The following CYB5R2 variants were observed in gnomAD, a reference collection of about 807,000 sequenced individuals.
The protein encoded by CYB5R2 is cytochrome b5 reductase 2, also known as NADH-cytochrome b5 reductase 2.
CYB5R2 carries 35 observed loss-of-function variants against 29.8 expected under a neutral mutation model. That is an observed-to-expected ratio of 1.17 (90% CI 0.90 to 1.56). CYB5R2 has a LOEUF of 1.56. CYB5R2 is among the 40% of genes most tolerant of loss of function. The probability of loss-of-function intolerance (pLI) is 0.00; values close to 1 mark genes in which losing one functional copy is unlikely to be tolerated. For synonymous variants in CYB5R2, 169 were observed against 130.6 expected (o/e 1.29, Z -2.01); for missense variants, 419 against 346.7 (o/e 1.21, Z -1.66).
chr11:7,673,189 G>T, intron 1 of CYB5R2: 1 of 391,008 alleles, frequency 2.6e-6, no homozygotes, highest in Non-Finnish European at 4.4e-6. Flanking sequence ...ACAGCCAAAG[G>T]TTCATACACT....
At chr11:7,668,381 A>C in intron 6 of CYB5R2, 97 bp downstream of exon 6, 1 of 970,596 alleles carries the variant, frequency 1.0e-6, no homozygotes, top group Non-Finnish European at 1.7e-6. Flanking sequence ...GCTGGAGGCG[A>C]AATCTCTCAT....
upstream of CYB5R2, chr11:7,673,983 A>G (rs1388512663): frequency 8.9e-7 from 1 of 1,124,686 alleles, no homozygotes; most frequent in East Asian, 8.4e-5. Context: ...CCCTGCCCCC[A>G]GGGCAGCGCT....
At chr11:7,666,100 A>T in intron 8 of CYB5R2, 2 of 632,624 alleles carry the variant, frequency 3.2e-6, no homozygotes, top group South Asian at 3.6e-5. Context: ...GGCCGTAAGC[A>T]GAAGGGTGAG....
At chr11:7,673,570 A>C, upstream of CYB5R2, 8 of 978,866 alleles carry the variant, frequency 8.2e-6, no homozygotes, top group Middle Eastern at 5.2e-4. Flanking sequence ...ACCTCTCCCC[A>C]CGCCTCCCGC....
At position 7,667,717 on chromosome 11, in the gene CYB5R2, C is replaced by T; in HGVS notation, c.558+11G>A. The T allele has an allele frequency of 2.5e-6, 4 of 1,609,436 alleles. No homozygotes were observed. Among genetic ancestry groups the T allele is most frequent in the Non-Finnish European group, 3.4e-6 (4 of 1,175,688 alleles). On this transcript the variant is annotated intron_variant, in intron 7 of 8. Coordinates refer to ENST00000299498, the MANE Select transcript of CYB5R2 (RefSeq NM_016229.5). ...TTCCATCCTACCACTGCAAGCTCAGCAGGAACTGACCTGGTTGGCAAAGAT... is the reference window on the plus strand; with the variant it reads ...TTCCATCCTACCACTGCAAGCTCAGTAGGAACTGACCTGGTTGGCAAAGAT...
rs748267944 is a variant in CYB5R2 at position 7,666,540 on chromosome 11, T to C, written c.569A>G (p.Asp190Gly). The change falls in exon 8 of 9, where the codon GAT (aspartate) becomes GGT (glycine). Residue 190 changes from aspartate (D) to glycine (G), a missense_variant. Physicochemically the swap from Asp to Gly is moderately conservative, Grantham distance 94. Transcript: ENST00000299498. The part of the protein sequence containing the change: ...SLIFANQTEE[D>G]ILVRKELEEI... ...TTCAAGCTCTTTTCTGACCAAGATA[T>C]CCTCCTCTGTCTAGAAAAGAAGCAA... The C allele has an allele frequency of 1.2e-6, 2 of 1,612,794 alleles. No homozygotes were observed. Among genetic ancestry groups the C allele is most frequent in the East Asian group, 4.5e-5 (2 of 44,862 alleles).
intron 3 of CYB5R2, chr11:7,670,667 G>A (rs1855673743): frequency 6.6e-6 from 1 of 152,186 alleles, no homozygotes; most frequent in Non-Finnish European, 1.5e-5. Context: ...AATAAACCAG[G>A]TGTGGCCAGA....
At chr11:7,673,751 GGGTT>G (rs1855908871), upstream of CYB5R2, 1 of 982,038 alleles carries the variant, frequency 1.0e-6, no homozygotes, top group South Asian at 4.7e-5. Context: ...CGTCGAACTG[GGGTT>G]GGCCGGGGGC....
chr11:7,668,676 C>A (rs777381677), intron 5 of CYB5R2, 115 bp from the exon 6 acceptor site: 2 of 875,638 alleles, frequency 2.3e-6, no homozygotes, highest in Non-Finnish European at 3.8e-6. Flanking sequence ...GGACTGTCTG[C>A]ACCATTTTAA....
At position 7,669,721 on chromosome 11, in the gene CYB5R2, G is replaced by C; in HGVS notation, c.162C>G (p.Val54=). 6.2e-7 allele frequency: 1 copy of C among 1,613,588 alleles called. No individual in the cohort carries two copies. Among genetic ancestry groups the C allele is most frequent in the Admixed American group, 1.7e-5 (1 of 60,018 alleles). ...HVLGLPVGNY[V]QLLAKIDNEL... ...CATTATCGATTTTTGCCAAGAGCTG[G>C]ACATAGTTACCTATAGAAAAGGCAT... is the stretch of plus-strand genomic sequence containing the variant. The change falls in exon 4 of 9, where the codon GTC becomes GTG. Residue 54 remains valine, a synonymous_variant. Coordinates refer to ENST00000299498, the MANE Select transcript of CYB5R2 (RefSeq NM_016229.5).
chr11:7,670,897 A>G (rs974033805), intron 3 of CYB5R2: 5 of 151,540 alleles, frequency 3.3e-5, no homozygotes, highest in Non-Finnish European at 5.9e-5. Flanking sequence ...CTCAGTTTCT[A>G]CTCGCTCAGA....
intron 7 of CYB5R2, 191 bp downstream of exon 7, chr11:7,667,537 G>A (rs1352625212): frequency 6.8e-6 from 4 of 588,920 alleles, no homozygotes; most frequent in African/African-American, 3.7e-5. Context: ...ACACAAAAGA[G>A]TTAAATACAT....
At chr11:7,673,764 G>A (rs1391875989), upstream of CYB5R2, 5 of 954,700 alleles carry the variant, frequency 5.2e-6, no homozygotes, top group Admixed American at 7.1e-5. Flanking sequence ...TTGGCCGGGG[G>A]CCGCTCCCCG....
chr11:7,666,493 C>G lies in CYB5R2; in HGVS notation c.616G>C (p.Asp206His). Residue 206 changes from aspartate to histidine, a missense_variant, in exon 8 of 9, where the codon GAC becomes CAC. Physicochemically the swap from Asp to His is moderately conservative, Grantham distance 81 (BLOSUM62 -1). Coordinates refer to ENST00000299498, the MANE Select transcript of CYB5R2 (RefSeq NM_016229.5). ...AGGGTGTACCACAGGTTGAACTGGTCTGGGTGAGTCCTGGCAATTTCTTCA... is the reference window on the plus strand; with the variant it reads ...AGGGTGTACCACAGGTTGAACTGGTGTGGGTGAGTCCTGGCAATTTCTTCA... ...ELEEIARTHP[D>H]QFNLWYTLDR... is the part of the protein sequence containing the mutation. 3.1e-6 allele frequency: 5 copies of G among 1,613,566 alleles called. No individual in the cohort carries two copies. The highest frequency in any genetic ancestry group is 4.2e-6 in the Non-Finnish European group (5 of 1,179,616).
chr11:7,669,116 A>T, intron 5 of CYB5R2, 89 bp downstream of exon 5: 1 of 1,512,452 alleles, frequency 6.6e-7, no homozygotes, highest in Non-Finnish European at 9.2e-7. Context: ...ACCCCATGTG[A>T]CTCAAATCTG....
intron 3 of CYB5R2, chr11:7,670,579 T>A (rs1332666055): frequency 6.6e-6 from 1 of 152,226 alleles, no homozygotes; most frequent in Non-Finnish European, 1.5e-5. Flanking sequence ...CAATATCATG[T>A]CTTCCTGGCC....
At chr11:7,667,488 G>A (rs1855373256) in intron 7 of CYB5R2, 2 of 402,526 alleles carry the variant, frequency 5.0e-6, no homozygotes, top group Non-Finnish European at 8.8e-6. Context: ...ACATCTTAAG[G>A]AAAAAAGGAA....
At chr11:7,672,650 G>A (rs1442971951) in intron 2 of CYB5R2, 98 bp downstream of exon 2, 17 of 1,419,366 alleles carry the variant, frequency 1.2e-5, no homozygotes, top group South Asian at 7.3e-5. Flanking sequence ...ACAGGGCGGC[G>A]GGGAGTGAAC....
intron 5 of CYB5R2, chr11:7,668,993 A>G (rs1202076863): frequency 8.6e-6 from 6 of 698,916 alleles, no homozygotes; most frequent in Non-Finnish European, 1.6e-5. Context: ...ACGAGGAAAC[A>G]CCAAGTCATT....
Sources: allele counts gnomAD v4.1 joint callset, GRCh38; gene constraint gnomAD v4.1.1; transcripts MANE v1.5; gene names NCBI Gene and HGNC (gene_info 2026-07-23, HGNC 2026-07-21).